Variants in AGBL4 observed in about 807,000 individuals in gnomAD.
AGBL4 encodes cytosolic carboxypeptidase 6.
AGBL4 carries 58 observed loss-of-function variants against 66.4 expected under a neutral mutation model. The ratio of observed to expected loss-of-function variants is 0.87; its 90% confidence interval spans 0.71 to 1.09. AGBL4 has a LOEUF of 1.09. Ranked by LOEUF, AGBL4 falls within the 50% of genes least tolerant of loss-of-function variation. The pLI is 0.00. For synonymous variants in AGBL4, 234 were observed against 222.9 expected (o/e 1.05, Z -0.44); for missense variants, 579 against 631.0 (o/e 0.92, Z 0.88).
chr1:49,497,191 A>G (rs1419249463), intron 3 of AGBL4, among the ~76,000 whole-genome samples: 5 of 151,998 alleles, frequency 3.3e-5, no homozygotes, highest in African/African-American at 9.6e-5. Context: ...AATGTCTAAT[A>G]GTACCTTTGC....
At chr1:48,681,555 C>T (rs76831397) in intron 6 of AGBL4, among the ~76,000 whole-genome samples, 5,300 of 152,222 alleles carry the variant, frequency 0.035, 286 homozygotes, top group African/African-American at 0.12. Context: ...GATATCATGA[C>T]GGTTTCTTTG....
At chr1:49,874,753 A>C (rs1298732387) in intron 1 of AGBL4, among the ~76,000 whole-genome samples, 1 of 151,986 alleles carries the variant, frequency 6.6e-6, no homozygotes, top group Admixed American at 6.6e-5. Flanking sequence ...AAATAAGAAA[A>C]TGGTTCATGT....
At chr1:48,675,090 G>A (rs1473765283) in intron 6 of AGBL4, among the ~76,000 whole-genome samples, 1 of 152,122 alleles carries the variant, frequency 6.6e-6, no homozygotes, top group Non-Finnish European at 1.5e-5. Context: ...TTTTGAAATG[G>A]CTGCATCTAA....
At chr1:48,728,333 T>G (rs1228971280) in intron 6 of AGBL4, among the ~76,000 whole-genome samples, 1 of 151,948 alleles carries the variant, frequency 6.6e-6, no homozygotes, top group Non-Finnish European at 1.5e-5. Context: ...CCCTAATTCT[T>G]TCCTCTCCAC....
chr1:49,260,625 G>T (rs1653047221), intron 3 of AGBL4, among the ~76,000 whole-genome samples: 1 of 152,092 alleles, frequency 6.6e-6, no homozygotes, highest in African/African-American at 2.4e-5. Flanking sequence ...TTGAATCTCT[G>T]AATAGACCAA....
chr1:48,857,675 C>T (rs1303577838), intron 6 of AGBL4, among the ~76,000 whole-genome samples: 3 of 151,626 alleles, frequency 2.0e-5, no homozygotes, highest in Non-Finnish European at 2.9e-5. Flanking sequence ...GAGCCAAGAT[C>T]GCACCGCTGC....
At chr1:49,394,090 C>A (rs1644906153) in intron 3 of AGBL4, among the ~76,000 whole-genome samples, 1 of 151,624 alleles carries the variant, frequency 6.6e-6, no homozygotes, top group Non-Finnish European at 1.5e-5. Flanking sequence ...TGGATAGGAG[C>A]TAGATATTTG....
chr1:49,963,919 G>T (rs964259918), intron 1 of AGBL4, among the ~76,000 whole-genome samples: 4 of 151,874 alleles, frequency 2.6e-5, no homozygotes, highest in Admixed American at 1.3e-4. Context: ...ACTAAGAATG[G>T]AATGGAAAGC....
chr1:49,544,169 T>C (rs1315713934), intron 3 of AGBL4, among the ~76,000 whole-genome samples: 4 of 152,202 alleles, frequency 2.6e-5, no homozygotes, highest in Non-Finnish European at 5.9e-5. Context: ...AATGTCCTCC[T>C]TACTTGTTCA....
chr1:49,278,917 A>C (rs1296135675), intron 3 of AGBL4, among the ~76,000 whole-genome samples: 1 of 152,242 alleles, frequency 6.6e-6, no homozygotes, highest in Non-Finnish European at 1.5e-5. Context: ...TGTTTAGCTG[A>C]GACATTTTTC....
rs146396871 is a variant in AGBL4 at position 49,705,826 on chromosome 1, G to A, written c.158-8389C>T. On this transcript the variant is annotated intron_variant, in intron 2 of 13. Coordinates refer to ENST00000371839, the MANE Select transcript of AGBL4 (RefSeq NM_032785.4). ...TCATGTGGTTTTTGTCATTGGTTCT[G>A]TTTATGTGATGGATTATGTTCATTG... Among the ~76,000 whole-genome samples, 246 of 152,078 alleles carry A rather than the reference G, an allele frequency of 1.6e-3. 4 individuals are homozygous for A. In the East Asian group the frequency reaches 0.031, roughly 19 times the overall value.
intron 4 of AGBL4, among the ~76,000 whole-genome samples, chr1:49,090,994 C>T (rs1443465785): frequency 6.6e-6 from 1 of 151,928 alleles, no homozygotes; most frequent in African/African-American, 2.4e-5. Context: ...GGAAAAGGAC[C>T]CCCATTCAGT....
At chr1:49,087,784 C>T (rs1644934344) in intron 4 of AGBL4, among the ~76,000 whole-genome samples, 1 of 152,094 alleles carries the variant, frequency 6.6e-6, no homozygotes, top group Non-Finnish European at 1.5e-5. Flanking sequence ...GACACATAGT[C>T]ATCAGATTCT....
intron 5 of AGBL4, among the ~76,000 whole-genome samples, chr1:48,985,610 A>C (rs1290858853): frequency 6.6e-6 from 1 of 152,130 alleles, no homozygotes; most frequent in Non-Finnish European, 1.5e-5. Flanking sequence ...TTCTGGTGTC[A>C]CCTAATGAAC....
chr1:48,944,173 C>T (rs1393494884), intron 5 of AGBL4, among the ~76,000 whole-genome samples: 2 of 152,106 alleles, frequency 1.3e-5, no homozygotes, highest in African/African-American at 4.8e-5. Flanking sequence ...TGGAAGGAAG[C>T]TCAGATGGTG....
chr1:49,172,912 G>A (rs1290106409), intron 4 of AGBL4, among the ~76,000 whole-genome samples: 1 of 152,076 alleles, frequency 6.6e-6, no homozygotes, highest in Non-Finnish European at 1.5e-5. Flanking sequence ...AATCATCTGG[G>A]GTTGGGAGTT....
chr1:48,906,577 G>C (rs930418436), intron 5 of AGBL4, among the ~76,000 whole-genome samples: 2 of 152,128 alleles, frequency 1.3e-5, no homozygotes, highest in African/African-American at 4.8e-5. Context: ...CCAGGTCAGA[G>C]GAACAAATGG....
At chr1:48,998,087 C>G (rs2148987448) in intron 5 of AGBL4, among the ~76,000 whole-genome samples, 1 of 152,302 alleles carries the variant, frequency 6.6e-6, no homozygotes, top group African/African-American at 2.4e-5. Flanking sequence ...TGAAGCCAAA[C>G]TATTTCATCT....
intron 3 of AGBL4, among the ~76,000 whole-genome samples, chr1:49,302,641 T>TTATTG (rs1644773605): frequency 7.0e-6 from 1 of 142,862 alleles, no homozygotes; most frequent in Admixed American, 7.1e-5. Flanking sequence ...TTATTTTATT[T>TTATTG]TATTTTATTT....
Sources: allele counts gnomAD v4.1 joint callset (sites outside exome capture counted in the v4.1 genomes callset), GRCh38; gene constraint gnomAD v4.1.1; transcripts MANE v1.5; gene names NCBI Gene and HGNC (gene_info 2026-07-23, HGNC 2026-07-21).